ATAD2B: variants seen among roughly 807,000 people sequenced by gnomAD.
ATAD2B encodes the protein ATPase family AAA domain containing 2B.
Under a neutral mutation model 167.6 loss-of-function variants are expected in ATAD2B, and 40 were observed. The ratio of observed to expected loss-of-function variants is 0.24; its 90% confidence interval spans 0.19 to 0.31. ATAD2B has a LOEUF of 0.31. Ranked by LOEUF, ATAD2B falls within the 10% of genes least tolerant of loss-of-function variation. The pLI, the probability that ATAD2B is intolerant of heterozygous loss-of-function variation, is 1.00. For missense variants in ATAD2B, 1,242 were observed against 1,757.2 expected (o/e 0.71, Z 5.24); for synonymous variants, 579 against 596.5 (o/e 0.97, Z 0.43).
Position 23,885,721 on chromosome 2 carries a change from A to G in ATAD2B, c.675+6T>C. 1 of 1,516,224 alleles carries G rather than the reference A, an allele frequency of 6.6e-7. No individual in the cohort carries two copies. The highest frequency in any genetic ancestry group is 9.0e-7 in the Non-Finnish European group (1 of 1,106,018). 93.9% of individuals were successfully genotyped at this position (1,516,224 alleles called of 1,614,324 possible). The stretch of plus-strand genomic sequence containing the variant: ...TTACAAAGATTGCTACAGCTAATAT[A>G]CTCACAAATTCTGTATCTGTCCACA... On this transcript the variant is annotated splice_donor_region_variant and intron_variant, in intron 5 of 27. Transcript: ENST00000238789.
At chr2:23,905,101 T>C (rs1018581879) in intron 1 of ATAD2B, among the ~76,000 whole-genome samples, 10 of 152,090 alleles carry the variant, frequency 6.6e-5, no homozygotes, top group Admixed American at 6.6e-4. Context: ...TACAGAAAGA[T>C]TAAAAAAGTC....
the ATAD2B span, among the ~76,000 whole-genome samples, chr2:23,679,722 G>C: frequency 2.0e-5 from 3 of 152,212 alleles, no homozygotes; most frequent in Non-Finnish European, 4.4e-5. Flanking sequence ...ACAACTCCTA[G>C]TATCGATAAA....
chr2:23,738,423 C>A, the ATAD2B span, among the ~76,000 whole-genome samples: 1 of 152,252 alleles, frequency 6.6e-6, no homozygotes, highest in African/African-American at 2.4e-5. Context: ...GAATTTTCAA[C>A]CCAGAATTTC....
At chr2:23,743,496 G>A in the ATAD2B span, among the ~76,000 whole-genome samples, 3 of 151,044 alleles carry the variant, frequency 2.0e-5, no homozygotes, top group Admixed American at 2.0e-4. Context: ...CCGGGAGGTG[G>A]AGGTTACAGT....
At chr2:23,688,575 C>T in the ATAD2B span, among the ~76,000 whole-genome samples, 2 of 152,094 alleles carry the variant, frequency 1.3e-5, no homozygotes, top group African/African-American at 2.4e-5. Context: ...GGCTGCGTCC[C>T]GGACTCTGGC....
intron 1 of ATAD2B, among the ~76,000 whole-genome samples, chr2:23,906,354 A>T (rs540166650): frequency 6.6e-6 from 1 of 152,120 alleles, no homozygotes; most frequent in Admixed American, 6.6e-5. Flanking sequence ...AAAAAAAGAA[A>T]GGTCATTTTC....
Position 23,926,852 on chromosome 2 carries a change from G to A in ATAD2B, c.-82C>T, listed in dbSNP as rs1214863137. ...CCCGCCGGCCGGTCAGTCAGGGCCA[G>A]CGGAGCCGAGCCGGGCAATGAGAGA... On this transcript the variant is annotated 5_prime_UTR_variant, in exon 1 of 28. Transcript: ENST00000238789. 7.0e-7 allele frequency: 1 copy of A among 1,427,452 alleles called. No homozygotes were observed. Among genetic ancestry groups the A allele is most frequent in the African/African-American group, 1.5e-5 (1 of 66,706 alleles). The allele number at this position is 1,427,452 out of a possible 1,614,324, so 88.4% of individuals were successfully genotyped here.
At chr2:23,679,287 G>C in the ATAD2B span, among the ~76,000 whole-genome samples, 2 of 152,228 alleles carry the variant, frequency 1.3e-5, no homozygotes, top group Non-Finnish European at 2.9e-5. Flanking sequence ...AGCCAATCTA[G>C]GTCAGGCCTG....
At chr2:23,701,793 C>CTTT in the ATAD2B span, among the ~76,000 whole-genome samples, 13 of 22,540 alleles carry the variant, frequency 5.8e-4, no homozygotes, top group Admixed American at 1.5e-3. Context: ...CTTTTTTTTG[C>CTTT]TTTTTTTTTT....
At chr2:23,843,279 A>G (rs1187574316) in intron 13 of ATAD2B, among the ~76,000 whole-genome samples, 1 of 152,230 alleles carries the variant, frequency 6.6e-6, no homozygotes, top group Non-Finnish European at 1.5e-5. Context: ...AAGACTGACT[A>G]AAGACAGACA....
chr2:23,691,992 A>G, the ATAD2B span: 6 of 1,011,050 alleles, frequency 5.9e-6, no homozygotes, highest in Non-Finnish European at 8.7e-6. Flanking sequence ...AAGCTCCCTC[A>G]CATGTGGCTG....
intron 10 of ATAD2B, among the ~76,000 whole-genome samples, chr2:23,866,204 G>A (rs948415584): frequency 2.0e-5 from 3 of 152,122 alleles, no homozygotes; most frequent in Admixed American, 6.6e-5. Context: ...TTAGGAGTTC[G>A]AGACCAGCTT....
rs1444482794 is a variant in ATAD2B, at chr2:23,884,866, A to G, written c.683T>C (p.Met228Thr). The change falls in exon 6 of 28, where the codon ATG (methionine) becomes ACG (threonine). Residue 228 changes from methionine to threonine, a missense_variant. By Grantham distance (81) the Met-to-Thr change is moderately conservative. This residue lies in a region of ATAD2B where 99 missense variants were observed against 160.4 expected (regional missense o/e 0.62). Coordinates refer to ENST00000238789, the MANE Select transcript of ATAD2B (RefSeq NM_017552.4). Reference protein sequence around the residue: ...RMWTDTEFENMDMYSRVKRRR... With the variant: ...RMWTDTEFENTDMYSRVKRRR... ...CCTTTTCACTCTTGAATACATATCC[A>G]TGTTTTCCTTTTAAAGAAAGAAATC... 1 of 1,547,682 alleles carries G rather than the reference A, an allele frequency of 6.5e-7. No homozygotes were observed. The highest frequency in any genetic ancestry group is 8.7e-7 in the Non-Finnish European group (1 of 1,146,380).
intron 19 of ATAD2B, among the ~76,000 whole-genome samples, chr2:23,791,023 T>C (rs138652600): frequency 6.6e-6 from 1 of 152,338 alleles, no homozygotes; most frequent in Non-Finnish European, 1.5e-5. Flanking sequence ...CTCTAGAGAA[T>C]TGCCTCTTCT....
intron 13 of ATAD2B, among the ~76,000 whole-genome samples, chr2:23,856,600 T>A (rs1406570628): frequency 6.6e-6 from 1 of 151,874 alleles, no homozygotes; most frequent in Non-Finnish European, 1.5e-5. Flanking sequence ...GTAGCTCACA[T>A]CTATAATCCC....
chr2:23,756,575 GAAT>G (rs1410795490), intron 25 of ATAD2B, among the ~76,000 whole-genome samples: 1 of 152,092 alleles, frequency 6.6e-6, no homozygotes, highest in Non-Finnish European at 1.5e-5. Flanking sequence ...ATGGGCTAAA[GAAT>G]AATGATAAAG....
intron 19 of ATAD2B, among the ~76,000 whole-genome samples, chr2:23,788,877 C>T (rs1215776073): frequency 1.3e-5 from 2 of 151,934 alleles, no homozygotes; most frequent in African/African-American, 2.4e-5. Context: ...ATGAATGATA[C>T]TACATATCTA....
chr2:23,837,586 G>A (rs1421815309), intron 13 of ATAD2B, among the ~76,000 whole-genome samples: 24 of 152,216 alleles, frequency 1.6e-4, no homozygotes, highest in Admixed American at 1.5e-3. Context: ...GTGCAGCCCC[G>A]GCTACACCTC....
chr2:23,760,491 T>C (rs576768028), intron 24 of ATAD2B, among the ~76,000 whole-genome samples: 18 of 151,562 alleles, frequency 1.2e-4, no homozygotes, highest in African/African-American at 3.9e-4. Context: ...TAAAACCCCA[T>C]CTCTACTAAA....
Sources: allele counts gnomAD v4.1 joint callset (sites outside exome capture counted in the v4.1 genomes callset), GRCh38; gene constraint gnomAD v4.1.1; regional missense constraint gnomAD v4.1.1; transcripts MANE v1.5; gene names NCBI Gene and HGNC (gene_info 2026-07-23, HGNC 2026-07-21).